TUB: variants seen among roughly 807,000 people sequenced by gnomAD.
TUB encodes the protein TUB bipartite transcription factor.
In TUB, 33 loss-of-function variants were observed where a neutral mutation model predicts 59.7. The observed-to-expected ratio is 0.55, with a 90% CI of 0.42 to 0.74. The LOEUF (loss-of-function observed/expected upper bound fraction) is 0.74, where lower values mean the gene tolerates loss of function less well. Among genes scored for constraint, TUB ranks in the 30% least tolerant of loss-of-function variants. TUB has a pLI of 0.00. For synonymous variants in TUB, 293 were observed against 256.4 expected, an observed-to-expected ratio of 1.14 and a Z score of -1.36; for missense variants, 659 against 672.0, an observed-to-expected ratio of 0.98 and a Z score of 0.21.
At chr11:8,045,735 T>C (rs994307181) in intron 2 of TUB, among the ~76,000 whole-genome samples, 1 of 152,240 alleles carries the variant, frequency 6.6e-6, no homozygotes, top group African/African-American at 2.4e-5. Flanking sequence ...CATCCTATAC[T>C]TGGAATCAGT....
chr11:8,088,282 CCT>C (rs879706068), intron 1 of TUB, among the ~76,000 whole-genome samples: 2 of 152,170 alleles, frequency 1.3e-5, no homozygotes, highest in Admixed American at 1.3e-4. Context: ...TTCCTTCTAC[CCT>C]CTGACTGGCT....
chr11:8,101,617 T>C lies in TUB; in HGVS notation c.1519T>C (p.Ter507GlnextTer91). Residue 507 changes from the stop codon to glutamine (Q), a stop_lost, in exon 12 of 12, where the codon TAG becomes CAG. Transcript: ENST00000299506. ...CTTCGACAGCAAGCTGGCGTGCGAG[T>C]AGAGGCCTCTTCGTGCCCTTTGGGG... ...SSFDSKLACE* is the reference protein window; with the variant it reads ...SSFDSKLACEQ 6.2e-7 allele frequency: 1 copy of C among 1,614,108 alleles called. No individual in the cohort carries two copies. The highest frequency in any genetic ancestry group is 8.5e-7 in the Non-Finnish European group (1 of 1,179,998).
At chr11:8,053,474 G>A (rs1942964869) in intron 2 of TUB, among the ~76,000 whole-genome samples, 3 of 151,818 alleles carry the variant, frequency 2.0e-5, no homozygotes, top group Admixed American at 1.3e-4. Context: ...ATAATTGTCT[G>A]TTTTTATTTA....
At position 8,097,318 on chromosome 11, in the gene TUB, C is replaced by G. The variant is rs768688995; in HGVS notation, c.778C>G (p.Pro260Ala). The G allele has an allele frequency of 6.2e-7, 1 of 1,614,024 alleles. No homozygotes were observed. Among genetic ancestry groups the G allele is most frequent in the African/African-American group, 1.3e-5 (1 of 74,892 alleles). The change falls in exon 7 of 12, where the codon CCC becomes GCC. Residue 260 changes from proline to alanine, a missense_variant. Pro to Ala is a conservative substitution (Grantham distance 27). Coordinates refer to ENST00000299506, the MANE Select transcript of TUB (RefSeq NM_177972.3). ...TGAGGAGTTTGCACTGAGGCCGGCC[C>G]CCCAGGGTATCACCATCAAATGCCG... ...DLEEFALRPAPQGITIKCRIT... is the reference protein window; with the variant it reads ...DLEEFALRPAAQGITIKCRIT...
chr11:8,025,143 T>C (rs766735809), intron 1 of TUB, among the ~76,000 whole-genome samples: 1 of 152,174 alleles, frequency 6.6e-6, no homozygotes. Context: ...GGGGGAGATA[T>C]GGACAAATAT....
chr11:8,091,014 A>G (rs1159943809), intron 3 of TUB, among the ~76,000 whole-genome samples: 3 of 151,960 alleles, frequency 2.0e-5, no homozygotes, highest in Non-Finnish European at 2.9e-5. Context: ...AGTAATTCTA[A>G]AAAGGTTGCA....
intron 2 of TUB, among the ~76,000 whole-genome samples, chr11:8,041,716 A>C (rs552843707): frequency 6.6e-6 from 1 of 152,138 alleles, no homozygotes; most frequent in African/African-American, 2.4e-5. Flanking sequence ...TTCCTATTCT[A>C]TCTGAGCTCT....
At chr11:8,095,753 G>T in intron 5 of TUB, 88 bp downstream of exon 5, 1 of 1,392,670 alleles carries the variant, frequency 7.2e-7, no homozygotes, top group East Asian at 2.5e-5. Flanking sequence ...GCCTTCCTGT[G>T]TCCAAACCCC....
At chr11:8,023,936 A>G (rs1942466919) in intron 1 of TUB, among the ~76,000 whole-genome samples, 1 of 152,088 alleles carries the variant, frequency 6.6e-6, no homozygotes, top group Non-Finnish European at 1.5e-5. Flanking sequence ...TTCACTCCCA[A>G]TTTCTGGACC....
chr11:8,040,315 T>C (rs1186706450), intron 2 of TUB, among the ~76,000 whole-genome samples: 3 of 152,182 alleles, frequency 2.0e-5, no homozygotes, highest in African/African-American at 7.2e-5. Context: ...GAGGGGGTGC[T>C]GTCTTGTGTA....
At chr11:8,098,371 G>A (rs925818889) in intron 8 of TUB, among the ~76,000 whole-genome samples, 1 of 152,156 alleles carries the variant, frequency 6.6e-6, no homozygotes, top group Non-Finnish European at 1.5e-5. Context: ...CTGAGACTTA[G>A]GCTGGCTGCG....
At chr11:8,097,195 T>C in intron 6 of TUB, 33 bp from the exon 7 acceptor site, 2 of 1,612,082 alleles carry the variant, frequency 1.2e-6, no homozygotes, top group South Asian at 2.2e-5. Flanking sequence ...TTAGGGTCCT[T>C]GGGGCTCAGG....
At chr11:8,061,144 T>A (rs554519088) in intron 2 of TUB, among the ~76,000 whole-genome samples, 26 of 152,218 alleles carry the variant, frequency 1.7e-4, no homozygotes, top group Non-Finnish European at 3.5e-4. Flanking sequence ...CTGTCCATTG[T>A]CTCTACAAAT....
At chr11:8,038,680 CAGA>C (rs1203308139) in exon 1 of TUB, 1 of 1,405,660 alleles carries the variant, frequency 7.1e-7, no homozygotes, top group Non-Finnish European at 9.2e-7. Context: ...AGACTGCGAC[CAGA>C]AGATGTTTCC....
intron 2 of TUB, among the ~76,000 whole-genome samples, chr11:8,061,471 T>C (rs1182504316): frequency 1.3e-5 from 2 of 152,022 alleles, no homozygotes; most frequent in Non-Finnish European, 2.9e-5. Context: ...TGACCTCAGA[T>C]CCCAAATAAG....
At chr11:8,061,322 A>C (rs1328522666) in intron 2 of TUB, among the ~76,000 whole-genome samples, 1 of 152,158 alleles carries the variant, frequency 6.6e-6, no homozygotes, top group Non-Finnish European at 1.5e-5. Flanking sequence ...GCTCTCAGTA[A>C]ACTGAGGCAA....
chr11:8,020,024 G>T (rs1254350845), intron 1 of TUB, among the ~76,000 whole-genome samples: 1 of 152,244 alleles, frequency 6.6e-6, no homozygotes, highest in African/African-American at 2.4e-5. Flanking sequence ...CTGGAGGAAG[G>T]AGTCATCCTC....
At chr11:8,044,862 G>A (rs1163551082) in intron 2 of TUB, among the ~76,000 whole-genome samples, 1 of 152,116 alleles carries the variant, frequency 6.6e-6, no homozygotes, top group Admixed American at 6.6e-5. Context: ...TATTATAAAG[G>A]ATACAACTCA....
Position 8,090,916 on chromosome 11 carries a change from G to A in TUB, c.253+685G>A, listed in dbSNP as rs574204842. The stretch of plus-strand genomic sequence containing the variant: ...TAGGCCAGGCCAGACTGAGGGGTTG[G>A]GGGTCTCTGAGCTTGAAAGGAGGAC... On this transcript the variant is annotated intron_variant, in intron 3 of 11. Transcript: ENST00000299506. Among the ~76,000 whole-genome samples, 154 of 131,312 alleles carry A rather than the reference G, an allele frequency of 1.2e-3. 1 individual carries two copies. The highest frequency in any genetic ancestry group is 4.7e-3 in the African/African-American group (142 of 29,980). 86.1% of individuals were successfully genotyped at this position (131,312 alleles called of 152,430 possible).
Sources: gnomAD v4.1 joint callset for allele counts (sites outside exome capture counted in the v4.1 genomes callset) on GRCh38, gnomAD v4.1.1 for gene constraint, MANE v1.5 for transcripts, NCBI Gene and HGNC (gene_info 2026-07-23, HGNC 2026-07-21) for gene names.